Variants in LMNB1 observed in about 807,000 individuals in gnomAD.
LMNB1 encodes lamin B1.
Under a neutral mutation model 67.1 loss-of-function variants are expected in LMNB1, and 23 were observed. The ratio of observed to expected loss-of-function variants is 0.34; its 90% CI spans 0.25 to 0.49. The LOEUF is 0.49. LMNB1 is among the 20% of genes least tolerant of loss of function. The probability of loss-of-function intolerance (pLI) is 0.99; values close to 1 mark genes in which losing one functional copy is unlikely to be tolerated. For missense variants in LMNB1, 634 were observed against 746.5 expected, an observed-to-expected ratio of 0.85 and a Z score of 1.76; for synonymous variants, 281 against 282.9, an observed-to-expected ratio of 0.99 and a Z score of 0.07.
intron 1 of LMNB1, among the ~76,000 whole-genome samples, chr5:126,784,348 ATTATT>A (rs543417011): frequency 1.5e-5 from 2 of 129,518 alleles, no homozygotes; most frequent in Non-Finnish European, 3.3e-5. Flanking sequence ...TTGAATTTTT[ATTATT>A]TTATTTTATT....
intron 1 of LMNB1, among the ~76,000 whole-genome samples, chr5:126,783,295 A>G (rs1474570899): frequency 6.6e-6 from 1 of 152,024 alleles, no homozygotes; most frequent in African/African-American, 2.4e-5. Context: ...ATTTTGCCCT[A>G]TTTGAAGCAG....
intron 3 of LMNB1, among the ~76,000 whole-genome samples, chr5:126,807,228 C>A (rs1039282586): frequency 5.3e-5 from 8 of 152,146 alleles, no homozygotes; most frequent in Admixed American, 3.3e-4. Flanking sequence ...GAAATCAACT[C>A]ATGGGGGAGA....
chr5:126,787,543 TA>T lies in LMNB1; in HGVS notation c.359+9677del, dbSNP rs1465707937. ...GTGGGGGTATATATATATATATATA[TA>T]TATTTTTTTTTTTTTTTTTTGAGAT... On this transcript the variant is annotated intron_variant, in intron 1 of 10. Transcript: ENST00000261366. Among the ~76,000 whole-genome samples the T allele has an allele frequency of 3.9e-3, 252 of 64,730 alleles. 4 individuals are homozygous for T. Among genetic ancestry groups the T allele is most frequent in the Non-Finnish European group, 7.5e-3 (215 of 28,480 alleles). The allele number at this position is 64,730 out of a possible 152,430, so 42.5% of individuals were successfully genotyped here.
chr5:126,790,455 CAT>C (rs1750924547), intron 1 of LMNB1, among the ~76,000 whole-genome samples: 2 of 152,054 alleles, frequency 1.3e-5, no homozygotes, highest in Non-Finnish European at 2.9e-5. Flanking sequence ...TCAGAAGCAA[CAT>C]ATGTTATAGC....
chr5:126,815,022 T>C (rs886436771), intron 5 of LMNB1: 1 of 152,238 alleles, frequency 6.6e-6, no homozygotes, highest in African/African-American at 2.4e-5. Context: ...GGTGAATCTT[T>C]CCTCTGTTCA....
At chr5:126,809,105 C>T (rs1288579516) in intron 3 of LMNB1, among the ~76,000 whole-genome samples, 1 of 152,252 alleles carries the variant, frequency 6.6e-6, no homozygotes, top group African/African-American at 2.4e-5. Context: ...GAACTCCTCA[C>T]CTCAGGTGAT....
At position 126,831,833 on chromosome 5, in the gene LMNB1, G is replaced by T. The variant is rs1257233092; in HGVS notation, c.1612-861G>T. Among the ~76,000 whole-genome samples, 4 of 152,214 alleles carry T rather than the reference G, an allele frequency of 2.6e-5. No homozygotes were observed. The East Asian group carries it at 7.7e-4, about 29-fold the overall frequency. On this transcript the variant is annotated intron_variant, in intron 9 of 10. Transcript: ENST00000261366. ...AAAAAGCAGTGGAAACTTCTCAGCA[G>T]ATATTTCGAATTGGATAGTACTTCC...
At position 126,795,933 on chromosome 5, in the gene LMNB1, C is replaced by CTTTTTTTTTTTTT. The variant is rs70997314; in HGVS notation, c.360-8839_360-8827dup. On this transcript the variant is annotated intron_variant, in intron 1 of 10. Transcript: ENST00000261366. ...GAGCCACTGCGCCTGGCCCAGGATG[C>CTTTTTTTTTTTTT]TTTTTTTTTTTTTTTTGAGACGGAG... 7.3e-3 allele frequency among the ~76,000 whole-genome samples: 596 copies of CTTTTTTTTTTTTT among 82,026 alleles called. 75 individuals are homozygous for CTTTTTTTTTTTTT. The highest frequency in any genetic ancestry group is 9.3e-3 in the Non-Finnish European group (409 of 43,750). The allele number at this position is 82,026 out of a possible 152,430, so 53.8% of individuals were successfully genotyped here.
intron 5 of LMNB1, among the ~76,000 whole-genome samples, chr5:126,813,317 CCT>C (rs1337857220): frequency 6.6e-6 from 1 of 152,166 alleles, no homozygotes; most frequent in African/African-American, 2.4e-5. Flanking sequence ...GCTGGAAGCA[CCT>C]CTGAGTTCAT....
At chr5:126,816,117 A>G (rs931976017) in intron 5 of LMNB1, among the ~76,000 whole-genome samples, 3 of 151,196 alleles carry the variant, frequency 2.0e-5, no homozygotes, top group African/African-American at 7.3e-5. Flanking sequence ...TTTCTTTTGG[A>G]GAAAAAGAAA....
At chr5:126,786,580 C>A (rs115305557) in intron 1 of LMNB1, among the ~76,000 whole-genome samples, 2 of 152,132 alleles carry the variant, frequency 1.3e-5, no homozygotes, top group Non-Finnish European at 2.9e-5. Flanking sequence ...ACATACATAA[C>A]CTTATTTCAT....
intron 1 of LMNB1, among the ~76,000 whole-genome samples, chr5:126,798,762 A>ATGTGTGT (rs142450316): frequency 1.1e-4 from 16 of 149,180 alleles, no homozygotes; most frequent in South Asian, 6.5e-4. Context: ...AAAAAAGAGA[A>ATGTGTGT]GTGTGTGTGT....
In LMNB1 at chr5:126,836,793, TA is replaced by T. The variant is rs1214701534; in HGVS notation, c.*530del. ...AAATAGAAATTTTGTAAGAAGGCAA[TA>T]TTAACCTAATCACCATGTAAGCACT... On this transcript the variant is annotated 3_prime_UTR_variant, in exon 11 of 11. Coordinates refer to ENST00000261366, the MANE Select transcript of LMNB1 (RefSeq NM_005573.4). 2.5e-6 allele frequency: 1 copy of T among 396,308 alleles called. No homozygotes were observed. Among genetic ancestry groups the T allele is most frequent in the African/African-American group, 2.1e-5 (1 of 48,316 alleles). The allele number at this position is 396,308 out of a possible 1,614,324, so 24.5% of individuals were successfully genotyped here.
chr5:126,824,729 C>T (rs1260085309), intron 8 of LMNB1, among the ~76,000 whole-genome samples: 1 of 152,076 alleles, frequency 6.6e-6, no homozygotes, highest in Non-Finnish European at 1.5e-5. Context: ...TATCTTGTGC[C>T]CTTTTCCATT....
At chr5:126,788,498 G>A (rs1418943030) in intron 1 of LMNB1, among the ~76,000 whole-genome samples, 1 of 152,150 alleles carries the variant, frequency 6.6e-6, no homozygotes, top group Non-Finnish European at 1.5e-5. Context: ...TTAGCCAGGC[G>A]TGGTTGCACA....
intron 1 of LMNB1, among the ~76,000 whole-genome samples, chr5:126,791,088 T>C (rs1750944338): frequency 6.6e-6 from 1 of 152,168 alleles, no homozygotes; most frequent in African/African-American, 2.4e-5. Flanking sequence ...TTTAGTTTTC[T>C]AGCTTTCATT....
At chr5:126,819,459 A>ATTAT (rs60317211) in intron 6 of LMNB1, among the ~76,000 whole-genome samples, 12,891 of 142,746 alleles carry the variant, frequency 0.09, 589 homozygotes, top group African/African-American at 0.12. Flanking sequence ...GACTTTACAT[A>ATTAT]TTATTTATTT....
chr5:126,792,901 G>GA (rs1441473304), intron 1 of LMNB1, among the ~76,000 whole-genome samples: 1 of 152,144 alleles, frequency 6.6e-6, no homozygotes, highest in Non-Finnish European at 1.5e-5. Context: ...AGCAGAAAGG[G>GA]AAACAATATG....
rs1177414220 is a variant in LMNB1, at chr5:126,787,602, G to A, written c.359+9735G>A. On this transcript the variant is annotated intron_variant, in intron 1 of 10. Transcript: ENST00000261366. ...CACTCCTGTTGTTGCCCAGGCTGGA[G>A]TGCAATGGTGTGGTCTCGGCTCACT... 8.8e-5 allele frequency among the ~76,000 whole-genome samples: 12 copies of A among 136,464 alleles called. No individual in the cohort carries two copies. The East Asian group carries it at 2.5e-3, about 28-fold the overall frequency. 89.5% of individuals were successfully genotyped at this position (136,464 alleles called of 152,430 possible).
Sources: gnomAD v4.1 joint callset for allele counts (sites outside exome capture counted in the v4.1 genomes callset) on GRCh38, gnomAD v4.1.1 for gene constraint, MANE v1.5 for transcripts, NCBI Gene and HGNC (gene_info 2026-07-23, HGNC 2026-07-21) for gene names.